CDH18: variants seen among roughly 807,000 people sequenced by gnomAD.
CDH18 encodes the protein cadherin 18, also known as cadherin-18.
In CDH18, 31 loss-of-function variants were observed where a neutral mutation model predicts 67.9. That is an observed-to-expected ratio of 0.46 (90% CI 0.34 to 0.62). The LOEUF (loss-of-function observed/expected upper bound fraction) is 0.62, where lower values mean the gene tolerates loss of function less well. CDH18 is among the 20% of genes least tolerant of loss of function. CDH18 has a pLI of 0.01. For missense variants in CDH18, 890 were observed against 975.5 expected (o/e 0.91, Z 1.17); for synonymous variants, 362 against 347.2 (o/e 1.04, Z -0.48).
intron 1 of CDH18, among the ~76,000 whole-genome samples, chr5:20,438,744 T>C (rs1380719095): frequency 6.6e-6 from 1 of 151,430 alleles, no homozygotes; most frequent in African/African-American, 2.4e-5. Flanking sequence ...TTGCTCTAGA[T>C]TGATTATCTC....
At chr5:19,954,951 A>C (rs1796124620) in intron 2 of CDH18, among the ~76,000 whole-genome samples, 2 of 152,178 alleles carry the variant, frequency 1.3e-5, no homozygotes, top group South Asian at 2.1e-4. Context: ...TCTTCACCCA[A>C]ATCTCACCAT....
intron 2 of CDH18, among the ~76,000 whole-genome samples, chr5:20,078,184 G>A (rs980481740): frequency 4.6e-5 from 7 of 152,134 alleles, no homozygotes; most frequent in Non-Finnish European, 8.8e-5. Flanking sequence ...ACTTATGGCC[G>A]GGTGTGGTGG....
At chr5:20,135,811 G>C (rs11949611) in intron 2 of CDH18, among the ~76,000 whole-genome samples, 42,815 of 151,678 alleles carry the variant, frequency 0.28, 7,381 homozygotes, top group Admixed American at 0.37. Flanking sequence ...TCATTGGTTT[G>C]AAATAACATC....
intron 1 of CDH18, chr5:20,304,957 C>A: frequency 6.2e-7 from 1 of 1,613,916 alleles, no homozygotes; most frequent in Non-Finnish European, 8.5e-7. Context: ...CCGCACGGAG[C>A]AGTTCAAGGC....
At chr5:20,036,500 A>G (rs1296233076) in intron 2 of CDH18, among the ~76,000 whole-genome samples, 7 of 152,150 alleles carry the variant, frequency 4.6e-5, no homozygotes. Flanking sequence ...TTAAATGACT[A>G]GATTAGAACC....
At chr5:20,084,623 A>G (rs1561777419) in intron 2 of CDH18, among the ~76,000 whole-genome samples, 1 of 152,172 alleles carries the variant, frequency 6.6e-6, no homozygotes, top group Non-Finnish European at 1.5e-5. Context: ...TCCCTGTAGC[A>G]AACTTGTGCC....
chr5:19,834,105 T>G (rs2150004850), intron 3 of CDH18, among the ~76,000 whole-genome samples: 1 of 152,062 alleles, frequency 6.6e-6, no homozygotes, highest in South Asian at 2.1e-4. Flanking sequence ...ACCAGCCCCT[T>G]TTTATATTTC....
chr5:20,047,967 T>C (rs1741057918), intron 2 of CDH18, among the ~76,000 whole-genome samples: 1 of 151,802 alleles, frequency 6.6e-6, no homozygotes, highest in Non-Finnish European at 1.5e-5. Context: ...GTGACTTCAA[T>C]GCATAATTTA....
intron 5 of CDH18, among the ~76,000 whole-genome samples, chr5:19,646,453 C>T (rs976539196): frequency 6.6e-6 from 1 of 152,124 alleles, no homozygotes; most frequent in African/African-American, 2.4e-5. Flanking sequence ...GATTCTCCTG[C>T]CTCAGCCTCC....
intron 11 of CDH18, among the ~76,000 whole-genome samples, chr5:19,500,997 G>A (rs1743141091): frequency 6.6e-6 from 1 of 151,344 alleles, no homozygotes; most frequent in Non-Finnish European, 1.5e-5. Context: ...GCCAGGCGTG[G>A]TGGTGGGCGC....
At chr5:19,810,599 A>G (rs1337459894) in intron 3 of CDH18, among the ~76,000 whole-genome samples, 1 of 151,972 alleles carries the variant, frequency 6.6e-6, no homozygotes, top group African/African-American at 2.4e-5. Context: ...TTGATTAAGT[A>G]AATATATTTG....
chr5:20,177,396 C>A (rs1323505554), intron 2 of CDH18, among the ~76,000 whole-genome samples: 7 of 152,076 alleles, frequency 4.6e-5, no homozygotes, highest in Non-Finnish European at 8.8e-5. Flanking sequence ...TAGTTCCTTT[C>A]TATATGAATC....
At chr5:19,924,315 T>C (rs1792854380) in intron 2 of CDH18, among the ~76,000 whole-genome samples, 1 of 152,136 alleles carries the variant, frequency 6.6e-6, no homozygotes, top group Non-Finnish European at 1.5e-5. Context: ...CTTTTTGCAT[T>C]ACTTTTTATT....
At chr5:19,841,028 A>G (rs1022844501) in intron 2 of CDH18, among the ~76,000 whole-genome samples, 1 of 152,176 alleles carries the variant, frequency 6.6e-6, no homozygotes, top group Non-Finnish European at 1.5e-5. Context: ...ACAGTTGAGG[A>G]AAGATGCTAC....
chr5:19,606,845 G>T (rs1438508100), intron 6 of CDH18, among the ~76,000 whole-genome samples: 1 of 151,628 alleles, frequency 6.6e-6, no homozygotes, highest in African/African-American at 2.4e-5. Context: ...CCATTAGTCA[G>T]ATTTTTAAAA....
chr5:19,706,853 G>A (rs745650803), intron 5 of CDH18, among the ~76,000 whole-genome samples: 32 of 152,086 alleles, frequency 2.1e-4, no homozygotes, highest in Non-Finnish European at 4.3e-4. Flanking sequence ...GGGGAAATAG[G>A]GACTACGGGA....
chr5:19,605,014 C>G lies in CDH18; in HGVS notation c.811+7420G>C, dbSNP rs1234212020. Among the ~76,000 whole-genome samples the G allele has an allele frequency of 1.3e-5, 2 of 151,816 alleles. 1 individual carries two copies. Among genetic ancestry groups the G allele is most frequent in the African/African-American group, 4.8e-5 (2 of 41,374 alleles). ...AGGTGTGCAAATTGATTTGTAATGCCTAACTATAAGAATCAAATTATTTCC... is the reference window on the plus strand; with the variant it reads ...AGGTGTGCAAATTGATTTGTAATGCGTAACTATAAGAATCAAATTATTTCC... On this transcript the variant is annotated intron_variant, in intron 6 of 12. Coordinates refer to ENST00000382275, the MANE Select transcript of CDH18 (RefSeq NM_004934.5).
chr5:20,157,141 A>T (rs1751592429), intron 2 of CDH18, among the ~76,000 whole-genome samples: 1 of 152,182 alleles, frequency 6.6e-6, no homozygotes, highest in Non-Finnish European at 1.5e-5. Flanking sequence ...TTTTATTGTG[A>T]AACTCAGAAT....
intron 1 of CDH18, among the ~76,000 whole-genome samples, chr5:19,986,531 G>GA (rs1799581144): frequency 6.6e-6 from 1 of 152,134 alleles, no homozygotes; most frequent in Admixed American, 6.5e-5. Context: ...CTATCTCTGA[G>GA]AAAAAGCATC....
Sources: gnomAD v4.1 joint callset for allele counts (sites outside exome capture counted in the v4.1 genomes callset) on GRCh38, gnomAD v4.1.1 for gene constraint, MANE v1.5 for transcripts, NCBI Gene and HGNC (gene_info 2026-07-23, HGNC 2026-07-21) for gene names.